The following FRMD6 variants were observed in gnomAD, a reference collection of about 807,000 sequenced individuals.
The protein encoded by FRMD6 is FERM domain containing 6, also known as FERM domain-containing protein 6.
In FRMD6, 37 loss-of-function variants were observed where a neutral mutation model predicts 73.2. The ratio of observed to expected loss-of-function variants is 0.51; its 90% confidence interval spans 0.39 to 0.66. The LOEUF (loss-of-function observed/expected upper bound fraction) is 0.66. Among genes scored for constraint, FRMD6 ranks in the 30% least tolerant of loss-of-function variants. FRMD6 has a pLI of 0.00. For synonymous variants in FRMD6, 273 were observed against 282.2 expected, an observed-to-expected ratio of 0.97 and a Z score of 0.33; for missense variants, 714 against 780.5, an observed-to-expected ratio of 0.91 and a Z score of 1.02.
chr14:51,569,295 A>G (rs1163956495), intron 1 of FRMD6, among the ~76,000 whole-genome samples: 1 of 152,210 alleles, frequency 6.6e-6, no homozygotes, highest in African/African-American at 2.4e-5. Flanking sequence ...ATAAACAGAC[A>G]ACAGCCTTGC....
chr14:51,597,880 C>T (rs1443242223), intron 2 of FRMD6, among the ~76,000 whole-genome samples: 1 of 152,084 alleles, frequency 6.6e-6, no homozygotes, highest in Non-Finnish European at 1.5e-5. Context: ...GGCTGCCTTG[C>T]CATTAAACCT....
intron 1 of FRMD6, among the ~76,000 whole-genome samples, chr14:51,490,042 G>A (rs1882903960): frequency 6.6e-6 from 1 of 152,128 alleles, no homozygotes; most frequent in Non-Finnish European, 1.5e-5. Flanking sequence ...TTTATGAGGG[G>A]TATAACTTAG....
In FRMD6 at chr14:51,702,598, CAG is replaced by C. The variant is rs1491149691; in HGVS notation, c.371+11_371+12del. ...ATGGCAGATTGATCAGGTAAGAGGA[CAG>C]GGGGTGATTCTAAACGCTTTTTTTT... On this transcript the variant is annotated intron_variant, in intron 5 of 13. Coordinates refer to ENST00000344768, the MANE Select transcript of FRMD6 (RefSeq NM_001267046.2). 265 of 1,605,388 alleles carry C rather than the reference CAG, an allele frequency of 1.7e-4. 1 individual carries two copies. The highest frequency in any genetic ancestry group is 2.3e-4 in the African/African-American group (17 of 74,638).
Position 51,499,581 on chromosome 14 carries a change from G to C in FRMD6, c.-210+10161G>C, listed in dbSNP as rs111512292. On this transcript the variant is annotated intron_variant, in intron 1 of 14. Coordinates refer to the FRMD6 transcript ENST00000356218. ...ACAGCAAATAAGACGTGGAGTAGGG[G>C]CCTGACCCCAGGCAGCCCAGCTCCG... Among the ~76,000 whole-genome samples the C allele has an allele frequency of 3.2e-3, 495 of 152,310 alleles. 2 individuals carry two copies. Among genetic ancestry groups the C allele is most frequent in the African/African-American group, 0.011 (439 of 41,564 alleles).
intron 1 of FRMD6, among the ~76,000 whole-genome samples, chr14:51,494,028 A>G (rs1158082215): frequency 1.3e-5 from 2 of 152,172 alleles, no homozygotes; most frequent in Non-Finnish European, 2.9e-5. Flanking sequence ...TTCTTTTTAA[A>G]TAAGGGCACT....
chr14:51,432,834 G>C, the FRMD6 span, among the ~76,000 whole-genome samples: 6 of 152,190 alleles, frequency 3.9e-5, no homozygotes, highest in Non-Finnish European at 8.8e-5. Context: ...TCTCCATGGA[G>C]CTCAATCCAG....
the FRMD6 span, chr14:51,436,501 T>G: frequency 4.7e-6 from 3 of 639,326 alleles, no homozygotes; most frequent in South Asian, 4.7e-5. Flanking sequence ...TCCAAAGAAT[T>G]TCATCTGAAT....
intron 1 of FRMD6, among the ~76,000 whole-genome samples, chr14:51,529,294 C>T (rs1412939272): frequency 6.6e-6 from 1 of 152,210 alleles, no homozygotes; most frequent in Non-Finnish European, 1.5e-5. Context: ...TACGTTGACA[C>T]ATCTATAAAA....
chr14:51,533,087 G>A (rs1885682908), intron 1 of FRMD6, among the ~76,000 whole-genome samples: 1 of 152,188 alleles, frequency 6.6e-6, no homozygotes, highest in Non-Finnish European at 1.5e-5. Flanking sequence ...GTCTTGCCAA[G>A]TGCTTAGGTC....
intron 9 of FRMD6, chr14:51,714,197 AC>A (rs1897113202): frequency 6.6e-6 from 1 of 152,110 alleles, no homozygotes; most frequent in African/African-American, 2.4e-5. Flanking sequence ...CCCTCCCTAG[AC>A]TTGCTTTGAG....
chr14:51,708,304 C>A lies in FRMD6; in HGVS notation c.714+71C>A, dbSNP rs1461296174. On this transcript the variant is annotated intron_variant, in intron 7 of 13. Coordinates refer to ENST00000344768, the MANE Select transcript of FRMD6 (RefSeq NM_001267046.2). The stretch of plus-strand genomic sequence containing the variant: ...TTCTCAATAGGATTGAGAAGGAAAA[C>A]CGAAGGATTTCATTTCCATTAAAAC... 24 of 1,368,434 alleles carry A rather than the reference C, an allele frequency of 1.8e-5. 1 individual carries two copies. In the East Asian group the frequency reaches 5.6e-4, roughly 32 times the overall value. 84.8% of individuals were successfully genotyped at this position (1,368,434 alleles called of 1,614,324 possible). A position where few individuals can be genotyped will look rare whatever the true frequency, so the allele number is the denominator to read the frequency against.
intron 1 of FRMD6, among the ~76,000 whole-genome samples, chr14:51,657,193 T>G (rs1445587740): frequency 6.6e-6 from 1 of 152,220 alleles, no homozygotes; most frequent in Non-Finnish European, 1.5e-5. Flanking sequence ...GTAGCACTTG[T>G]GTGTACAGTT....
intron 2 of FRMD6, among the ~76,000 whole-genome samples, chr14:51,642,450 T>C (rs192562626): frequency 2.0e-5 from 3 of 152,204 alleles, no homozygotes; most frequent in South Asian, 2.1e-4. Context: ...TGAGGCAGAA[T>C]TGCTTGAACC....
intron 1 of FRMD6, among the ~76,000 whole-genome samples, chr14:51,558,784 GT>G (rs1029735943): frequency 2.0e-5 from 3 of 152,222 alleles, no homozygotes; most frequent in Non-Finnish European, 2.9e-5. Context: ...CTCTAAAGGA[GT>G]TTTTTTGTCT....
At chr14:51,460,125 A>C in the FRMD6 span, among the ~76,000 whole-genome samples, 1 of 152,180 alleles carries the variant, frequency 6.6e-6, no homozygotes, top group Non-Finnish European at 1.5e-5. Flanking sequence ...TTTATTGAAC[A>C]GCTGCTATAT....
chr14:51,625,793 C>A (rs900237899), intron 2 of FRMD6, among the ~76,000 whole-genome samples: 1 of 152,192 alleles, frequency 6.6e-6, no homozygotes, highest in Non-Finnish European at 1.5e-5. Context: ...TTTGAGGAAG[C>A]TTTCCCTATT....
intron 1 of FRMD6, among the ~76,000 whole-genome samples, chr14:51,682,741 T>C (rs1894890657): frequency 6.6e-6 from 1 of 152,162 alleles, no homozygotes; most frequent in Admixed American, 6.5e-5. Flanking sequence ...CAAAGAGCAA[T>C]ACAAAAAGAA....
the FRMD6 span, among the ~76,000 whole-genome samples, chr14:51,424,679 T>C: frequency 3.3e-5 from 5 of 152,206 alleles, no homozygotes; most frequent in African/African-American, 1.2e-4. Flanking sequence ...GCTTTGTTGT[T>C]GTCTGAAACA....
chr14:51,721,536 G>C (rs1462144474), intron 11 of FRMD6, among the ~76,000 whole-genome samples: 1 of 150,820 alleles, frequency 6.6e-6, no homozygotes, highest in African/African-American at 2.4e-5. Context: ...CTTGAACCCA[G>C]GAGGCGGAGG....
Sources: gnomAD v4.1 joint callset for allele counts (sites outside exome capture counted in the v4.1 genomes callset) on GRCh38, gnomAD v4.1.1 for gene constraint, MANE v1.5 for transcripts, NCBI Gene and HGNC (gene_info 2026-07-23, HGNC 2026-07-21) for gene names.